Variants in EFCAB11 observed in about 807,000 individuals in gnomAD.
The protein encoded by EFCAB11 is EF-hand calcium binding domain 11.
In EFCAB11, 14 loss-of-function variants were observed where a neutral mutation model predicts 23.0. That is an observed-to-expected ratio of 0.61 (90% CI 0.40 to 0.95). The LOEUF (loss-of-function observed/expected upper bound fraction) is 0.95. Ranked by LOEUF, EFCAB11 falls within the 40% of genes least tolerant of loss-of-function variation. The pLI, the probability that EFCAB11 is intolerant of heterozygous loss-of-function variation, is 0.00. For synonymous variants in EFCAB11, 65 were observed against 66.6 expected (o/e 0.98, Z 0.11); for missense variants, 198 against 195.8 (o/e 1.01, Z -0.07).
Position 89,909,071 on chromosome 14 carries a change from C to G in EFCAB11, c.410+22470G>C, listed in dbSNP as rs192017202. Among the ~76,000 whole-genome samples, 8 of 152,296 alleles carry G rather than the reference C, an allele frequency of 5.3e-5. No individual in the cohort carries two copies. In the East Asian group the frequency reaches 1.5e-3, roughly 29 times the overall value. ...CCAGAGCTAGGGAAAAGACACAGTCCTGGCCTTTAAGACAGGAAGCTAGAG... is the reference window on the plus strand; with the variant it reads ...CCAGAGCTAGGGAAAAGACACAGTCGTGGCCTTTAAGACAGGAAGCTAGAG... On this transcript the variant is annotated intron_variant, in intron 5 of 5. Transcript: ENST00000316738.
intron 5 of EFCAB11, among the ~76,000 whole-genome samples, chr14:89,891,889 C>T (rs1026447949): frequency 1.4e-4 from 21 of 152,098 alleles, no homozygotes; most frequent in Non-Finnish European, 2.5e-4. Context: ...ACGTGGCGGG[C>T]GCGCCTGGCG....
At chr14:89,848,500 C>T (rs983437274) in intron 5 of EFCAB11, 1 of 152,206 alleles carries the variant, frequency 6.6e-6, no homozygotes, top group African/African-American at 2.4e-5. Context: ...CTGCATAAGT[C>T]AGCTCCAGCA....
intron 5 of EFCAB11, among the ~76,000 whole-genome samples, chr14:89,902,515 AG>A (rs756500453): frequency 2.6e-5 from 4 of 152,204 alleles, no homozygotes; most frequent in Admixed American, 2.6e-4. Flanking sequence ...ACTTTCCAGT[AG>A]ATTAATAAAA....
chr14:89,943,708 T>C (rs959722580), intron 3 of EFCAB11, among the ~76,000 whole-genome samples: 3 of 152,206 alleles, frequency 2.0e-5, no homozygotes, highest in African/African-American at 7.2e-5. Flanking sequence ...ATTGGTTCAG[T>C]ATTGAACAAT....
At chr14:89,853,180 CAT>C (rs1887646740) in intron 5 of EFCAB11, among the ~76,000 whole-genome samples, 1 of 152,156 alleles carries the variant, frequency 6.6e-6, no homozygotes, top group South Asian at 2.1e-4. Context: ...CAACAAATAA[CAT>C]AAACAGGTTT....
intron 5 of EFCAB11, chr14:89,830,990 T>C (rs1328818140): frequency 5.3e-5 from 8 of 152,302 alleles, no homozygotes; most frequent in Non-Finnish European, 7.3e-5. Context: ...ATGTACATTT[T>C]ACAAGGATCA....
rs536709232 is a variant in EFCAB11, at chr14:89,845,956, A to T, written c.411-48632T>A. Among the ~76,000 whole-genome samples, 71 of 152,326 alleles carry T rather than the reference A, an allele frequency of 4.7e-4. 1 individual carries two copies. In the South Asian group the frequency reaches 5.4e-3, roughly 12 times the overall value. ...CGACAGACAGTTTTACAGAGTTAGT[A>T]TCTCAAGTTCTAGATGCAAATTGCC... is the stretch of plus-strand genomic sequence containing the variant. On this transcript the variant is annotated intron_variant, in intron 5 of 5. Transcript: ENST00000316738.
Position 89,917,620 on chromosome 14 carries a change from T to C in EFCAB11, c.410+13921A>G, listed in dbSNP as rs568752259. 5.9e-4 allele frequency among the ~76,000 whole-genome samples: 90 copies of C among 152,324 alleles called. 1 individual carries two copies. The highest frequency in any genetic ancestry group is 2.1e-3 in the African/African-American group (87 of 41,572). On this transcript the variant is annotated intron_variant, in intron 5 of 5. Coordinates refer to ENST00000316738, the MANE Select transcript of EFCAB11 (RefSeq NM_145231.4). The stretch of plus-strand genomic sequence containing the variant: ...CTCCATCATTATCATTACTAGGCAG[T>C]GGCATTTCTAAACAAGAAAATAACA...
chr14:89,867,637 C>A (rs1888134357), intron 5 of EFCAB11, among the ~76,000 whole-genome samples: 1 of 152,136 alleles, frequency 6.6e-6, no homozygotes. Context: ...ACTTAATATG[C>A]ATTTAATAAG....
intron 5 of EFCAB11, among the ~76,000 whole-genome samples, chr14:89,913,768 T>C (rs779436816): frequency 2.8e-4 from 43 of 152,202 alleles, no homozygotes; most frequent in Non-Finnish European, 4.9e-4. Flanking sequence ...TATCAGAGTT[T>C]TTCAAAGTTA....
intron 5 of EFCAB11, among the ~76,000 whole-genome samples, chr14:89,844,935 T>C (rs6575090): frequency 0.79 from 120,030 of 151,116 alleles, 48,288 homozygotes; most frequent in Non-Finnish European, 0.87. Context: ...TATCTCGCAC[T>C]GTGGGTGTGT....
rs374879381 is a variant in EFCAB11 at position 89,953,207 on chromosome 14, GA to G, written c.171+698del. Among the ~76,000 whole-genome samples the G allele has an allele frequency of 6.4e-3, 827 of 128,408 alleles. 4 individuals are homozygous for G. The highest frequency in any genetic ancestry group is 0.011 in the African/African-American group (374 of 35,040). The allele number at this position is 128,408 out of a possible 152,430, so 84.2% of individuals were successfully genotyped here. A position where few individuals can be genotyped will look rare whatever the true frequency, so the allele number is the denominator to read the frequency against. ...GTGTATCATTGCAGCAATGTTGGCA[GA>G]AAAAAAAAAAAAACCCCACCTATAT... On this transcript the variant is annotated intron_variant, in intron 2 of 5. Coordinates refer to ENST00000316738, the MANE Select transcript of EFCAB11 (RefSeq NM_145231.4).
At chr14:89,919,223 AG>A (rs1287407636) in intron 5 of EFCAB11, among the ~76,000 whole-genome samples, 16 of 151,976 alleles carry the variant, frequency 1.1e-4, no homozygotes, top group African/African-American at 3.9e-4. Context: ...AGAGAGAGAG[AG>A]AGAAACACTA....
intron 5 of EFCAB11, among the ~76,000 whole-genome samples, chr14:89,916,157 A>G (rs1252118475): frequency 4.0e-5 from 3 of 75,294 alleles, no homozygotes; most frequent in East Asian, 3.4e-4. Flanking sequence ...AATGGCTCAG[A>G]AAAAAAAAAA....
intron 3 of EFCAB11, among the ~76,000 whole-genome samples, chr14:89,945,265 T>C (rs1028915028): frequency 5.9e-5 from 9 of 152,056 alleles, no homozygotes; most frequent in African/African-American, 2.2e-4. Context: ...TTTCGGGCCT[T>C]ATTTACTCTT....
chr14:89,906,167 G>A (rs1162616144), intron 5 of EFCAB11, among the ~76,000 whole-genome samples: 8 of 141,118 alleles, frequency 5.7e-5, no homozygotes, highest in African/African-American at 2.2e-4. Context: ...ACTCATTAGA[G>A]CACTAAAATA....
At chr14:89,853,963 T>C (rs1005652394) in intron 5 of EFCAB11, among the ~76,000 whole-genome samples, 9 of 152,274 alleles carry the variant, frequency 5.9e-5, no homozygotes, top group Admixed American at 2.0e-4. Flanking sequence ...GGAAAGTTTA[T>C]AGACTATAAT....
intron 5 of EFCAB11, among the ~76,000 whole-genome samples, chr14:89,853,198 C>G (rs1298905768): frequency 6.6e-6 from 1 of 152,136 alleles, no homozygotes; most frequent in African/African-American, 2.4e-5. Context: ...GGTTTGGCAG[C>G]AAATAAAGTC....
chr14:89,950,240 A>G lies in EFCAB11; in HGVS notation c.172-98T>C, dbSNP rs1310622771. ...GGTGGGAATAAGGATCTATTTTATG[A>G]GAAACCAAGTCTGTTGAACCAAGCA... is the stretch of plus-strand genomic sequence containing the variant. On this transcript the variant is annotated intron_variant, in intron 2 of 5. Coordinates refer to ENST00000316738, the MANE Select transcript of EFCAB11 (RefSeq NM_145231.4). 17 of 1,298,262 alleles carry G rather than the reference A, an allele frequency of 1.3e-5. No individual in the cohort carries two copies. In the East Asian group the frequency reaches 4.2e-4, roughly 32 times the overall value. 80.4% of individuals were successfully genotyped at this position (1,298,262 alleles called of 1,614,324 possible). A position where few individuals can be genotyped will look rare whatever the true frequency, so the allele number is the denominator to read the frequency against.
Sources: allele counts gnomAD v4.1 joint callset (sites outside exome capture counted in the v4.1 genomes callset), GRCh38; gene constraint gnomAD v4.1.1; transcripts MANE v1.5; gene names NCBI Gene and HGNC (gene_info 2026-07-23, HGNC 2026-07-21).